Variants in LRRC4C observed in about 807,000 individuals in gnomAD.
LRRC4C encodes leucine rich repeat containing 4C, also known as leucine-rich repeat-containing protein 4C.
LRRC4C carries 5 observed loss-of-function variants against 33.6 expected under a neutral mutation model. The observed-to-expected ratio is 0.15, with a 90% CI of 0.08 to 0.31. The LOEUF (loss-of-function observed/expected upper bound fraction) is 0.31. Among genes scored for constraint, LRRC4C ranks in the 10% least tolerant of loss-of-function variants. The pLI, the probability that LRRC4C is intolerant of heterozygous loss-of-function variation, is 1.00. For missense variants in LRRC4C, 560 were observed against 796.7 expected (o/e 0.70, Z 3.58); for synonymous variants, 329 against 302.0 (o/e 1.09, Z -0.93).
At chr11:41,209,931 A>T (rs1946753223) in intron 1 of LRRC4C, among the ~76,000 whole-genome samples, 1 of 151,844 alleles carries the variant, frequency 6.6e-6, no homozygotes, top group East Asian at 1.9e-4. Flanking sequence ...ATCAGATAGG[A>T]CTCGTGTCAC....
intron 2 of LRRC4C, among the ~76,000 whole-genome samples, chr11:40,911,307 G>C (rs183487360): frequency 6.6e-6 from 1 of 152,298 alleles, no homozygotes; most frequent in African/African-American, 2.4e-5. Context: ...AGTAGGGGCA[G>C]ACTGACACCT....
At chr11:40,308,388 T>C (rs1414952063) in intron 4 of LRRC4C, among the ~76,000 whole-genome samples, 4 of 152,206 alleles carry the variant, frequency 2.6e-5, no homozygotes, top group Non-Finnish European at 5.9e-5. Context: ...ATATGTTACA[T>C]TGAATAATGC....
At chr11:40,457,108 A>G (rs1383081708) in intron 3 of LRRC4C, among the ~76,000 whole-genome samples, 1 of 150,118 alleles carries the variant, frequency 6.7e-6, no homozygotes, top group African/African-American at 2.5e-5. Flanking sequence ...AAAAAGAAAA[A>G]AAAAAAAGAA....
intron 4 of LRRC4C, among the ~76,000 whole-genome samples, chr11:40,280,820 C>T (rs1250629520): frequency 6.6e-6 from 1 of 152,164 alleles, no homozygotes; most frequent in Non-Finnish European, 1.5e-5. Flanking sequence ...AAGCCCCAAC[C>T]CTGCTTCCAT....
intron 3 of LRRC4C, among the ~76,000 whole-genome samples, chr11:40,577,861 A>C (rs1283853066): frequency 3.6e-5 from 4 of 111,106 alleles, no homozygotes; most frequent in African/African-American, 1.4e-4. Flanking sequence ...TTTGAGACGG[A>C]GTCTCGCTCT....
intron 1 of LRRC4C, among the ~76,000 whole-genome samples, chr11:41,069,658 C>CAAAG (rs1565354346): frequency 5.9e-5 from 9 of 152,084 alleles, no homozygotes; most frequent in Non-Finnish European, 2.9e-5. Context: ...GAATGAACCC[C>CAAAG]CATTCACAAT....
At chr11:40,357,414 T>C (rs2137134192) in intron 3 of LRRC4C, among the ~76,000 whole-genome samples, 1 of 152,168 alleles carries the variant, frequency 6.6e-6, no homozygotes, top group African/African-American at 2.4e-5. Context: ...CTTCATTGTA[T>C]TGGAGAAAAA....
At chr11:40,891,906 T>C (rs1207780589) in intron 2 of LRRC4C, among the ~76,000 whole-genome samples, 4 of 151,660 alleles carry the variant, frequency 2.6e-5, no homozygotes, top group Non-Finnish European at 4.4e-5. Context: ...GAGGCCAAGG[T>C]GGGTGTATCA....
chr11:41,018,528 C>T (rs1239972959), intron 1 of LRRC4C, among the ~76,000 whole-genome samples: 2 of 152,084 alleles, frequency 1.3e-5, no homozygotes, highest in African/African-American at 2.4e-5. Context: ...TTTCCTTTGT[C>T]GGCATCTTCA....
chr11:41,393,683 T>A (rs1469335604), intron 1 of LRRC4C, among the ~76,000 whole-genome samples: 1 of 151,930 alleles, frequency 6.6e-6, no homozygotes, highest in Non-Finnish European at 1.5e-5. Context: ...TTAGAGGCAA[T>A]GAAACTTGAA....
chr11:40,410,485 T>C (rs1314516166), intron 3 of LRRC4C, among the ~76,000 whole-genome samples: 2 of 151,890 alleles, frequency 1.3e-5, no homozygotes, highest in Non-Finnish European at 2.9e-5. Context: ...ACACTGTGTG[T>C]AGATGATAGG....
rs561949549 is a variant in LRRC4C, at chr11:40,227,517, T to C, written c.-96+14002A>G. 2.0e-4 allele frequency among the ~76,000 whole-genome samples: 31 copies of C among 152,192 alleles called. No individual in the cohort carries two copies. In the South Asian group the frequency reaches 6.0e-3, roughly 30 times the overall value. ...TTCAAAAAGTCATAGAGCTGAAGCA[T>C]AGGTTGGCTTGTTTCTGAGAGGGGA... On this transcript the variant is annotated intron_variant, in intron 5 of 6. Coordinates refer to ENST00000528697, the MANE Select transcript of LRRC4C (RefSeq NM_001258419.2).
intron 2 of LRRC4C, among the ~76,000 whole-genome samples, chr11:40,771,141 T>G (rs949574912): frequency 6.6e-6 from 1 of 152,220 alleles, no homozygotes; most frequent in African/African-American, 2.4e-5. Context: ...AGCAAACTAC[T>G]GCCTGGACAT....
At chr11:40,405,545 G>T (rs1031503751) in intron 3 of LRRC4C, among the ~76,000 whole-genome samples, 8 of 144,082 alleles carry the variant, frequency 5.6e-5, no homozygotes, top group African/African-American at 2.0e-4. Flanking sequence ...GCTGAGGCAG[G>T]AGAATCACTT....
chr11:41,008,436 T>C (rs745359550), intron 1 of LRRC4C, among the ~76,000 whole-genome samples: 6 of 152,144 alleles, frequency 3.9e-5, no homozygotes, highest in Non-Finnish European at 8.8e-5. Context: ...GGTAACAGAT[T>C]GATACTAAAG....
chr11:41,040,792 A>G (rs1187790503), intron 1 of LRRC4C, among the ~76,000 whole-genome samples: 2 of 152,178 alleles, frequency 1.3e-5, no homozygotes, highest in South Asian at 2.1e-4. Flanking sequence ...AAATATTCCA[A>G]CTGATTAAAT....
At chr11:40,464,590 CAA>C (rs1393512539) in intron 3 of LRRC4C, among the ~76,000 whole-genome samples, 2 of 151,890 alleles carry the variant, frequency 1.3e-5, no homozygotes, top group Non-Finnish European at 2.9e-5. Context: ...AGGACTCCGA[CAA>C]AAGACTCCTA....
chr11:40,702,059 A>C (rs1053709087), intron 2 of LRRC4C, among the ~76,000 whole-genome samples: 1 of 152,104 alleles, frequency 6.6e-6, no homozygotes, highest in African/African-American at 2.4e-5. Context: ...TAAAATTATT[A>C]AGTGATACCA....
intron 1 of LRRC4C, among the ~76,000 whole-genome samples, chr11:41,195,249 T>C (rs1011700362): frequency 1.3e-5 from 2 of 152,142 alleles, no homozygotes; most frequent in Admixed American, 6.6e-5. Context: ...AAGTAAATAC[T>C]ATTTAAATTA....
Sources: allele counts gnomAD v4.1 joint callset (sites outside exome capture counted in the v4.1 genomes callset), GRCh38; gene constraint gnomAD v4.1.1; transcripts MANE v1.5; gene names NCBI Gene and HGNC (gene_info 2026-07-23, HGNC 2026-07-21).